ECM2: variants seen among roughly 807,000 people sequenced by gnomAD.
ECM2 encodes extracellular matrix protein 2, female organ and adipocyte specific.
A neutral mutation model predicts 67.5 loss-of-function variants in ECM2; 57 were observed. The ratio of observed to expected loss-of-function variants is 0.84; its 90% CI spans 0.68 to 1.05. The LOEUF is 1.05. ECM2 is among the 50% of genes least tolerant of loss of function. ECM2 has a pLI of 0.00. For missense variants in ECM2, 741 were observed against 822.8 expected (o/e 0.90, Z 1.22); for synonymous variants, 258 against 294.5 (o/e 0.88, Z 1.27).
the ECM2 span, among the ~76,000 whole-genome samples, chr9:92,554,453 G>C: frequency 4.6e-4 from 70 of 152,284 alleles, no homozygotes; most frequent in East Asian, 0.013. Flanking sequence ...AAAGTGCTGG[G>C]ATTACAGGCG....
In ECM2 at chr9:92,525,201, C is replaced by T. The variant is rs570738429; in HGVS notation, c.-27-2308G>A. Among the ~76,000 whole-genome samples the T allele has an allele frequency of 2.0e-5, 3 of 152,098 alleles. No homozygotes were observed. In the South Asian group the frequency reaches 6.2e-4, roughly 32 times the overall value. ...GGCATGGTGGTGCATACCTGTAGTC[C>T]TAGCTACTCAGGAGGCTGAGGCAGG... On this transcript the variant is annotated intron_variant, in intron 1 of 9. Coordinates refer to ENST00000344604, the MANE Select transcript of ECM2 (RefSeq NM_001393.4).
chr9:92,541,411 T>TC (rs1554684326), upstream of ECM2, among the ~76,000 whole-genome samples: 3 of 55,092 alleles, frequency 5.4e-5, no homozygotes, highest in African/African-American at 1.1e-4. Flanking sequence ...CCACCCCCCT[T>TC]CCCCCTCCCC....
intron 5 of ECM2, among the ~76,000 whole-genome samples, chr9:92,511,354 T>C (rs1847327340): frequency 7.6e-6 from 1 of 132,364 alleles, no homozygotes; most frequent in Admixed American, 7.0e-5. Context: ...CTCAAACTCC[T>C]GACCTCATGA....
At chr9:92,540,201 G>A (rs1849285081), upstream of ECM2, among the ~76,000 whole-genome samples, 1 of 152,164 alleles carries the variant, frequency 6.6e-6, no homozygotes, top group Non-Finnish European at 1.5e-5. Context: ...CACTTCGGGA[G>A]GCCGAAGCTG....
At chr9:92,557,451 C>T in the ECM2 span, among the ~76,000 whole-genome samples, 6 of 152,210 alleles carry the variant, frequency 3.9e-5, no homozygotes, top group South Asian at 1.2e-3. Flanking sequence ...TCCTCAGGAA[C>T]ACCAATTATT....
chr9:92,494,133 C>CAGCA, downstream of ECM2: 1 of 1,597,628 alleles, frequency 6.3e-7, no homozygotes, highest in African/African-American at 1.3e-5. Context: ...GTCTCTAGAA[C>CAGCA]AGCATCTGAA....
the ECM2 span, among the ~76,000 whole-genome samples, chr9:92,545,392 G>A: frequency 6.6e-6 from 1 of 152,176 alleles, no homozygotes; most frequent in Admixed American, 6.5e-5. Flanking sequence ...TTAGCACCCC[G>A]GCCAGCAGCT....
At chr9:92,514,356 C>G (rs1381138168) in intron 4 of ECM2, among the ~76,000 whole-genome samples, 2 of 150,774 alleles carry the variant, frequency 1.3e-5, no homozygotes, top group Non-Finnish European at 2.9e-5. Flanking sequence ...CTCACTGCAA[C>G]CTCCGCCTCC....
chr9:92,539,339 C>T (rs1357175881), upstream of ECM2, among the ~76,000 whole-genome samples: 2 of 141,058 alleles, frequency 1.4e-5, no homozygotes, highest in Admixed American at 7.0e-5. Context: ...TCCCGCCTTC[C>T]CCCGCTCCCC....
the ECM2 span, among the ~76,000 whole-genome samples, chr9:92,546,730 C>T: frequency 2.0e-5 from 3 of 152,190 alleles, no homozygotes; most frequent in Non-Finnish European, 4.4e-5. Flanking sequence ...AGCAGTTCTG[C>T]ACACAATACT....
At chr9:92,504,497 A>G (rs1240135675) in intron 7 of ECM2, among the ~76,000 whole-genome samples, 1 of 152,118 alleles carries the variant, frequency 6.6e-6, no homozygotes, top group East Asian at 1.9e-4. Context: ...GCCAGTATGT[A>G]TAGACTCTCT....
chr9:92,521,123 CA>C (rs1373071420), intron 2 of ECM2, among the ~76,000 whole-genome samples: 1 of 152,138 alleles, frequency 6.6e-6, no homozygotes. Context: ...TGTGGTGATA[CA>C]ATCAAAAAGT....
At chr9:92,533,331 ATATATATATATATATAT>A (rs1563991510) in intron 1 of ECM2, among the ~76,000 whole-genome samples, 39 of 79,088 alleles carry the variant, frequency 4.9e-4, no homozygotes, top group African/African-American at 1.8e-3. Context: ...AAAAAAAAAT[ATATATATATATATATAT>A]ATATATATAT....
chr9:92,541,605 T>C (rs951039718), upstream of ECM2, among the ~76,000 whole-genome samples: 4 of 151,856 alleles, frequency 2.6e-5, no homozygotes, highest in African/African-American at 9.7e-5. Context: ...CTGGCTTATT[T>C]CACTTAGCAT....
chr9:92,548,979 C>T, the ECM2 span, among the ~76,000 whole-genome samples: 4 of 152,218 alleles, frequency 2.6e-5, no homozygotes, highest in African/African-American at 7.2e-5. Flanking sequence ...CTTTCTATCC[C>T]AAATATCAAC....
chr9:92,494,229 C>T (rs1846253452), downstream of ECM2: 2 of 1,443,900 alleles, frequency 1.4e-6, no homozygotes, highest in African/African-American at 2.8e-5. Context: ...GCTAGTTCTG[C>T]TGACTCACCT....
At chr9:92,526,423 A>G (rs575275327) in intron 1 of ECM2, among the ~76,000 whole-genome samples, 1 of 152,318 alleles carries the variant, frequency 6.6e-6, no homozygotes, top group East Asian at 1.9e-4. Flanking sequence ...TATGGGATAC[A>G]GCAAAAGCAG....
At chr9:92,510,470 T>G (rs1209484338) in intron 5 of ECM2, among the ~76,000 whole-genome samples, 1 of 152,240 alleles carries the variant, frequency 6.6e-6, no homozygotes, top group Non-Finnish European at 1.5e-5. Flanking sequence ...TAAACCTCAG[T>G]TTTTTATCTA....
rs2131133569 is a variant in ECM2 at position 92,496,099 on chromosome 9, G to A, written c.*216C>T. On this transcript the variant is annotated 3_prime_UTR_variant, in exon 10 of 10. Coordinates refer to ENST00000344604, the MANE Select transcript of ECM2 (RefSeq NM_001393.4). ...TGAGATGGCCTCTTTCTAGAGGTAGGAAACTGAGAGATTTTACCTTTACTA... is the reference window on the plus strand; with the variant it reads ...TGAGATGGCCTCTTTCTAGAGGTAGAAAACTGAGAGATTTTACCTTTACTA... 1.7e-6 allele frequency: 2 copies of A among 1,177,764 alleles called. No homozygotes were observed. Among genetic ancestry groups the A allele is most frequent in the Non-Finnish European group, 2.1e-6 (2 of 954,454 alleles). 73.0% of individuals were successfully genotyped at this position (1,177,764 alleles called of 1,614,324 possible).
Sources: gnomAD v4.1 joint callset for allele counts (sites outside exome capture counted in the v4.1 genomes callset) on GRCh38, gnomAD v4.1.1 for gene constraint, MANE v1.5 for transcripts, NCBI Gene and HGNC (gene_info 2026-07-23, HGNC 2026-07-21) for gene names.